The following ADCY2 variants were observed in gnomAD, a reference collection of about 807,000 sequenced individuals.
ADCY2 encodes the protein adenylate cyclase type 2.
Under a neutral mutation model 125.2 loss-of-function variants are expected in ADCY2, and 31 were observed. The observed-to-expected ratio is 0.25, with a 90% CI of 0.19 to 0.33. The LOEUF (loss-of-function observed/expected upper bound fraction) is 0.33, where lower values mean the gene tolerates loss of function less well. ADCY2 is among the 10% of genes least tolerant of loss of function. ADCY2 has a pLI of 1.00. For missense variants in ADCY2, 904 were observed against 1,418.2 expected, an observed-to-expected ratio of 0.64 and a Z score of 5.82; for synonymous variants, 512 against 548.4, an observed-to-expected ratio of 0.93 and a Z score of 0.93.
At chr5:7,425,038 G>T (rs1466834717) in intron 2 of ADCY2, among the ~76,000 whole-genome samples, 3 of 152,130 alleles carry the variant, frequency 2.0e-5, no homozygotes, top group Non-Finnish European at 4.4e-5. Context: ...TCCCTGTGCG[G>T]TGCCAGCCAT....
At chr5:7,752,267 C>T (rs1742851568) in intron 15 of ADCY2, among the ~76,000 whole-genome samples, 1 of 152,202 alleles carries the variant, frequency 6.6e-6, no homozygotes, top group African/African-American at 2.4e-5. Context: ...GTAATTATTG[C>T]TCCGGCTTAT....
chr5:7,828,453 G>A lies in ADCY2; in HGVS notation c.*1582G>A, dbSNP rs1216049395. Reference sequence around the variant, plus strand: ...TGATTAAACGAGGCAATGACTGTGAGCGAGCCTGGCAGGTGCCCCGTGGTA... The same window carrying A: ...TGATTAAACGAGGCAATGACTGTGAACGAGCCTGGCAGGTGCCCCGTGGTA... On this transcript the variant is annotated 3_prime_UTR_variant, in exon 25 of 25. Coordinates refer to ENST00000338316, the MANE Select transcript of ADCY2 (RefSeq NM_020546.3). 1 of 152,208 alleles carries A rather than the reference G, an allele frequency of 6.6e-6. No individual in the cohort carries two copies. The highest frequency in any genetic ancestry group is 6.5e-5 in the Admixed American group (1 of 15,286). The allele number at this position is 152,208 out of a possible 1,614,324, so 9.4% of individuals were successfully genotyped here.
At chr5:7,742,887 G>A (rs1742477755) in intron 14 of ADCY2, among the ~76,000 whole-genome samples, 1 of 152,120 alleles carries the variant, frequency 6.6e-6, no homozygotes, top group Non-Finnish European at 1.5e-5. Flanking sequence ...CTCCTTGGAT[G>A]TTCCATTTGC....
chr5:7,774,901 A>AT (rs1277062075), intron 18 of ADCY2, among the ~76,000 whole-genome samples: 2 of 152,188 alleles, frequency 1.3e-5, no homozygotes, highest in Admixed American at 6.5e-5. Flanking sequence ...GGTACATGAG[A>AT]TGTTTTCATA....
intron 14 of ADCY2, among the ~76,000 whole-genome samples, chr5:7,736,077 T>C (rs1305187013): frequency 6.6e-6 from 1 of 151,972 alleles, no homozygotes; most frequent in Non-Finnish European, 1.5e-5. Context: ...AAATTGGCCA[T>C]ACATGGCAGC....
At position 7,621,461 on chromosome 5, in the gene ADCY2, G is replaced by A. The variant is rs115755981; in HGVS notation, c.571-4706G>A. On this transcript the variant is annotated intron_variant, in intron 3 of 24. Transcript: ENST00000338316. Reference sequence around the variant, plus strand: ...CCCTAGAGGGGGTTGTGTGTGTGGTGGAGAAATCTGACTGTATGCGTATGA... The same window carrying A: ...CCCTAGAGGGGGTTGTGTGTGTGGTAGAGAAATCTGACTGTATGCGTATGA... Among the ~76,000 whole-genome samples, 1,441 of 152,334 alleles carry A rather than the reference G, an allele frequency of 9.5e-3. 16 individuals are homozygous for A. The highest frequency in any genetic ancestry group is 0.016 in the South Asian group (78 of 4,826).
chr5:7,513,106 C>CACACACAGAGAG (rs777343291), intron 2 of ADCY2, among the ~76,000 whole-genome samples: 3 of 138,538 alleles, frequency 2.2e-5, no homozygotes, highest in Non-Finnish European at 3.2e-5. Flanking sequence ...CACACACACA[C>CACACACAGAGAG]AGAGAGAGAG....
chr5:7,711,132 G>A (rs1741426170), intron 10 of ADCY2, among the ~76,000 whole-genome samples: 1 of 152,204 alleles, frequency 6.6e-6, no homozygotes, highest in African/African-American at 2.4e-5. Flanking sequence ...GGTCCAAGAT[G>A]GAGGCATGAA....
intron 2 of ADCY2, among the ~76,000 whole-genome samples, chr5:7,437,281 G>A (rs1214003313): frequency 6.6e-6 from 1 of 152,126 alleles, no homozygotes; most frequent in East Asian, 1.9e-4. Context: ...GATGGTATTG[G>A]CTTTGCAAAC....
Position 7,519,148 on chromosome 5 carries a change from G to A in ADCY2, c.409-1590G>A, listed in dbSNP as rs142130224. Among the ~76,000 whole-genome samples, 4 of 152,278 alleles carry A rather than the reference G, an allele frequency of 2.6e-5. No individual in the cohort carries two copies. The East Asian group carries it at 7.7e-4, about 29-fold the overall frequency. On this transcript the variant is annotated intron_variant, in intron 2 of 24. Transcript: ENST00000338316. ...GTATGACAATTACATAAATACAGCT[G>A]ATCAGACACCACCCTGGAATAGTGA...
intron 4 of ADCY2, among the ~76,000 whole-genome samples, chr5:7,634,600 A>G (rs749046247): frequency 1.1e-4 from 17 of 152,148 alleles, no homozygotes; most frequent in Non-Finnish European, 1.0e-4. Context: ...ACACATTCAT[A>G]CCCTTTTCAA....
chr5:7,674,566 A>C (rs1379649553), intron 4 of ADCY2, among the ~76,000 whole-genome samples: 1 of 152,164 alleles, frequency 6.6e-6, no homozygotes, highest in Non-Finnish European at 1.5e-5. Flanking sequence ...ATTTTTTAAA[A>C]CACTTTCTGT....
chr5:7,747,703 C>T (rs1352602384), intron 15 of ADCY2, among the ~76,000 whole-genome samples: 2 of 152,128 alleles, frequency 1.3e-5, no homozygotes, highest in Admixed American at 6.5e-5. Context: ...CTGAAGAGCC[C>T]GCCTTTGCAC....
rs115323266 is a variant in ADCY2, at chr5:7,440,183, A to G, written c.408+25413A>G. On this transcript the variant is annotated intron_variant, in intron 2 of 24. Coordinates refer to ENST00000338316, the MANE Select transcript of ADCY2 (RefSeq NM_020546.3). The stretch of plus-strand genomic sequence containing the variant: ...GTTTGGCTTAAATTCAAGTTGTTAT[A>G]ATAGAGTGGACATCTATCCAGTCAA... Among the ~76,000 whole-genome samples the G allele has an allele frequency of 3.8e-3, 578 of 152,288 alleles. 1 individual carries two copies. The highest frequency in any genetic ancestry group is 0.013 in the African/African-American group (545 of 41,550).
intron 4 of ADCY2, among the ~76,000 whole-genome samples, chr5:7,651,256 G>A (rs1312414600): frequency 6.6e-6 from 1 of 152,148 alleles, no homozygotes; most frequent in Non-Finnish European, 1.5e-5. Context: ...ATTAGTCAGG[G>A]TTCTCTAGAA....
chr5:7,665,946 C>A (rs1234920205), intron 4 of ADCY2, among the ~76,000 whole-genome samples: 15 of 133,854 alleles, frequency 1.1e-4, no homozygotes, highest in African/African-American at 4.2e-4. Context: ...TCACGCCATT[C>A]TCCTGCCTCA....
intron 22 of ADCY2, among the ~76,000 whole-genome samples, chr5:7,813,099 A>G (rs1744996200): frequency 6.6e-6 from 1 of 152,196 alleles, no homozygotes; most frequent in Admixed American, 6.5e-5. Context: ...GCTGATTATC[A>G]CAGTATGCAG....
chr5:7,454,563 A>G (rs1255247546), intron 2 of ADCY2, among the ~76,000 whole-genome samples: 1 of 152,200 alleles, frequency 6.6e-6, no homozygotes, highest in Non-Finnish European at 1.5e-5. Context: ...CTTTTTTCAT[A>G]TAATCTGGCA....
At chr5:7,739,938 C>G (rs1235312991) in intron 14 of ADCY2, among the ~76,000 whole-genome samples, 1 of 151,982 alleles carries the variant, frequency 6.6e-6, no homozygotes, top group Non-Finnish European at 1.5e-5. Flanking sequence ...AAGGAAACTT[C>G]ATACCCAGAT....
Sources: allele counts gnomAD v4.1 joint callset (sites outside exome capture counted in the v4.1 genomes callset), GRCh38; gene constraint gnomAD v4.1.1; transcripts MANE v1.5; gene names NCBI Gene and HGNC (gene_info 2026-07-23, HGNC 2026-07-21).